The following LUZP2 variants were observed in gnomAD, a reference collection of about 807,000 sequenced individuals.
LUZP2 encodes leucine zipper protein 2.
Under a neutral mutation model 51.6 loss-of-function variants are expected in LUZP2, and 52 were observed. That is an observed-to-expected ratio of 1.01 (90% CI 0.81 to 1.27). LUZP2 has a LOEUF of 1.27. Among genes scored for constraint, LUZP2 ranks in the 50% most tolerant of loss-of-function variants. The pLI is 0.00. For missense variants in LUZP2, 436 were observed against 395.4 expected (o/e 1.10, Z -0.87); for synonymous variants, 154 against 137.3 (o/e 1.12, Z -0.85).
At chr11:24,858,599 G>A (rs1851639372) in intron 5 of LUZP2, among the ~76,000 whole-genome samples, 1 of 152,120 alleles carries the variant, frequency 6.6e-6, no homozygotes, top group Non-Finnish European at 1.5e-5. Context: ...ATTGCCAAAT[G>A]CAAAGAAACT....
At chr11:24,849,394 TC>T (rs1851315030) in intron 5 of LUZP2, among the ~76,000 whole-genome samples, 1 of 152,120 alleles carries the variant, frequency 6.6e-6, no homozygotes. Flanking sequence ...GGTTTTCTGT[TC>T]TTGTGTTAGT....
In LUZP2 at chr11:24,525,832, A is replaced by G. The variant is rs577903590; in HGVS notation, c.62+28527A>G. ...TTTTTCTGTGACATACATTAGTTGA[A>G]TATATATAAAGTAAAAACTTGGATT... On this transcript the variant is annotated intron_variant, in intron 1 of 11. Coordinates refer to ENST00000336930, the MANE Select transcript of LUZP2 (RefSeq NM_001009909.4). 9.2e-5 allele frequency among the ~76,000 whole-genome samples: 14 copies of G among 151,476 alleles called. No individual in the cohort carries two copies. The South Asian group carries it at 2.9e-3, about 32-fold the overall frequency.
At chr11:24,615,697 C>T (rs1854262585) in intron 1 of LUZP2, among the ~76,000 whole-genome samples, 1 of 151,912 alleles carries the variant, frequency 6.6e-6, no homozygotes, top group Non-Finnish European at 1.5e-5. Flanking sequence ...ACAGTAGTAG[C>T]ATGTTTAGTT....
At chr11:25,072,993 T>C (rs749566989) in intron 10 of LUZP2, among the ~76,000 whole-genome samples, 12 of 152,080 alleles carry the variant, frequency 7.9e-5, no homozygotes, top group Non-Finnish European at 5.9e-5. Context: ...AGACTTAACA[T>C]ACAAACACTG....
At chr11:25,008,649 C>A (rs553932521) in intron 9 of LUZP2, among the ~76,000 whole-genome samples, 2 of 152,246 alleles carry the variant, frequency 1.3e-5, no homozygotes, top group Middle Eastern at 3.4e-3. Context: ...GCTCCAGGTT[C>A]CTGTCCTGGG....
At chr11:24,544,077 G>A (rs1304502086) in intron 1 of LUZP2, among the ~76,000 whole-genome samples, 1 of 151,934 alleles carries the variant, frequency 6.6e-6, no homozygotes, top group Non-Finnish European at 1.5e-5. Flanking sequence ...CTGGGCTCAT[G>A]CCTTTAAAAT....
chr11:24,618,514 G>A (rs1264753790), intron 1 of LUZP2, among the ~76,000 whole-genome samples: 2 of 152,118 alleles, frequency 1.3e-5, no homozygotes, highest in African/African-American at 2.4e-5. Context: ...TTTTGGCATT[G>A]CTAGGCTTTC....
intron 3 of LUZP2, among the ~76,000 whole-genome samples, chr11:24,737,091 T>C (rs1168764053): frequency 6.6e-6 from 1 of 152,070 alleles, no homozygotes; most frequent in Non-Finnish European, 1.5e-5. Flanking sequence ...AACATCATGG[T>C]CAGAGAATGA....
chr11:24,542,251 C>T (rs1217260395), intron 1 of LUZP2, among the ~76,000 whole-genome samples: 2 of 152,038 alleles, frequency 1.3e-5, no homozygotes, highest in Non-Finnish European at 2.9e-5. Flanking sequence ...ACACAAACCA[C>T]GTGTTCTCTT....
intron 7 of LUZP2, among the ~76,000 whole-genome samples, chr11:24,966,502 A>T (rs1324085184): frequency 6.7e-6 from 1 of 150,366 alleles, no homozygotes; most frequent in Non-Finnish European, 1.5e-5. Context: ...ATTCTAGAAG[A>T]TTTATGTTTG....
chr11:25,032,010 AG>A (rs1359936416), intron 9 of LUZP2, among the ~76,000 whole-genome samples: 5 of 152,124 alleles, frequency 3.3e-5, no homozygotes, highest in Non-Finnish European at 7.4e-5. Flanking sequence ...AAAATTGGAC[AG>A]GGAGGGCAAA....
At chr11:24,860,892 GC>G (rs1045905602) in intron 5 of LUZP2, among the ~76,000 whole-genome samples, 3 of 152,104 alleles carry the variant, frequency 2.0e-5, no homozygotes, top group Admixed American at 6.6e-5. Context: ...AGGCCAGAGT[GC>G]CTTTTCTCCT....
intron 5 of LUZP2, among the ~76,000 whole-genome samples, chr11:24,815,668 G>A (rs747732135): frequency 2.6e-5 from 4 of 152,098 alleles, no homozygotes; most frequent in Non-Finnish European, 5.9e-5. Flanking sequence ...TTTGTTTTCA[G>A]CCTCCAGACC....
chr11:24,602,094 A>ATATATG (rs1853693027), intron 1 of LUZP2, among the ~76,000 whole-genome samples: 12 of 127,566 alleles, frequency 9.4e-5, no homozygotes, highest in South Asian at 2.4e-4. Flanking sequence ...GTATATATGT[A>ATATATG]TATATGTGTA....
chr11:24,622,854 T>A (rs1413280761), intron 1 of LUZP2, among the ~76,000 whole-genome samples: 1 of 152,208 alleles, frequency 6.6e-6, no homozygotes, highest in Admixed American at 6.5e-5. Context: ...TTTACAAAAC[T>A]GCCCATCTCT....
At chr11:24,974,447 T>A (rs1354941301) in intron 7 of LUZP2, among the ~76,000 whole-genome samples, 1 of 152,088 alleles carries the variant, frequency 6.6e-6, no homozygotes, top group Non-Finnish European at 1.5e-5. Context: ...AAGATTAATA[T>A]TATTATATGT....
intron 9 of LUZP2, among the ~76,000 whole-genome samples, chr11:25,026,613 C>G (rs1035107397): frequency 6.6e-6 from 1 of 151,864 alleles, no homozygotes; most frequent in African/African-American, 2.4e-5. Context: ...TGTGTGGCCT[C>G]TATTATTTAC....
intron 1 of LUZP2, among the ~76,000 whole-genome samples, chr11:24,630,747 A>G (rs561663547): frequency 1.4e-5 from 2 of 142,550 alleles, no homozygotes; most frequent in South Asian, 2.2e-4. Context: ...TGATGTTGTT[A>G]TATTGATAGA....
chr11:24,873,827 TG>T (rs759408061), intron 5 of LUZP2, among the ~76,000 whole-genome samples: 1 of 152,200 alleles, frequency 6.6e-6, no homozygotes, highest in Non-Finnish European at 1.5e-5. Context: ...TTAGTTAACT[TG>T]TTTGTTAAAT....
Sources: gnomAD v4.1 joint callset for allele counts (sites outside exome capture counted in the v4.1 genomes callset) on GRCh38, gnomAD v4.1.1 for gene constraint, MANE v1.5 for transcripts, NCBI Gene and HGNC (gene_info 2026-07-23, HGNC 2026-07-21) for gene names.